Variants in NOL6 observed in about 807,000 individuals in gnomAD.
The protein encoded by NOL6 is nucleolar protein 6.
NOL6 carries 33 observed loss-of-function variants against 131.7 expected under a neutral mutation model. That is an observed-to-expected ratio of 0.25 (90% CI 0.19 to 0.33). NOL6 has a LOEUF of 0.33. NOL6 is among the 10% of genes least tolerant of loss of function. The probability of loss-of-function intolerance (pLI) is 1.00; values close to 1 mark genes in which losing one functional copy is unlikely to be tolerated. For missense variants in NOL6, 1,297 were observed against 1,494.5 expected (o/e 0.87, Z 2.18); for synonymous variants, 580 against 605.7 (o/e 0.96, Z 0.62).
rs755539636 is a variant in NOL6, at chr9:33,472,043, G to T, written c.339C>A (p.Asn113Lys). 1 of 1,612,942 alleles carries T rather than the reference G, an allele frequency of 6.2e-7. No homozygotes were observed. The highest frequency in any genetic ancestry group is 8.5e-7 in the Non-Finnish European group (1 of 1,180,016). The part of the protein sequence containing the change: ...DRIDAFLREV[N>K]QRVVRVPSVP... ...CTGAGGGCACCCTCACAACCCGCTG[G>T]TTGACCTCCCGTAGGAAGGCATCAA... is the stretch of plus-strand genomic sequence containing the variant. The change falls in exon 3 of 26, where the codon AAC becomes AAA. Residue 113 changes from asparagine (N) to lysine (K), a missense_variant. Asn to Lys is a moderately conservative substitution (Grantham distance 94, BLOSUM62 0). Transcript: ENST00000297990.
Position 33,466,197 on chromosome 9 carries a change from C to T in NOL6, c.2238G>A (p.Gln746=). 1 of 1,612,140 alleles carries T rather than the reference C, an allele frequency of 6.2e-7. No individual in the cohort carries two copies. Among genetic ancestry groups the T allele is most frequent in the Non-Finnish European group, 8.5e-7 (1 of 1,179,026 alleles). Residue 746 remains glutamine, a synonymous_variant, in exon 18 of 26, where the codon CAG becomes CAA. Transcript: ENST00000297990. ...TVVCHLEGSG[Q]WPQDAEAVQR... is the part of the protein sequence containing the mutation. The stretch of plus-strand genomic sequence containing the variant: ...GCACGGCCTCAGCGTCCTGTGGCCA[C>T]TGGCCACTGCCCTCCAGGTGACAAA...
chr9:33,466,327 G>A lies in NOL6; in HGVS notation c.2190C>T (p.Ala730=). 1 of 1,614,188 alleles carries A rather than the reference G, an allele frequency of 6.2e-7. No individual in the cohort carries two copies. The highest frequency in any genetic ancestry group is 8.5e-7 in the Non-Finnish European group (1 of 1,180,034). Residue 730 remains alanine, a synonymous_variant, in exon 17 of 26, where the codon GCC becomes GCT. Coordinates refer to ENST00000297990, the MANE Select transcript of NOL6 (RefSeq NM_022917.5). The part of the protein sequence containing the change: ...LLPRLDKPCP[A]YVEPMTVVCH... ...TCTTACCGGTCATGGGCTCCACGTA[G>A]GCCGGACAGGGCTTATCGAGCCGGG...
rs768058922 is a variant in NOL6, at chr9:33,466,341, T to C, written c.2176A>G (p.Lys726Glu). The C allele has an allele frequency of 3.1e-6, 5 of 1,614,052 alleles. No homozygotes were observed. In the Admixed American group the frequency reaches 8.3e-5, roughly 27 times the overall value. ...ERSSLLPRLD[K>E]PCPAYVEPMT... ...GGCTCCACGTAGGCCGGACAGGGCTTATCGAGCCGGGGCAGCAGTGAGGAC... is the reference window on the plus strand; with the variant it reads ...GGCTCCACGTAGGCCGGACAGGGCTCATCGAGCCGGGGCAGCAGTGAGGAC... The change falls in exon 17 of 26, where the codon AAG becomes GAG. Residue 726 changes from lysine (K) to glutamate (E), a missense_variant. By Grantham distance (56) the Lys-to-Glu change is moderately conservative. Coordinates refer to ENST00000297990, the MANE Select transcript of NOL6 (RefSeq NM_022917.5).
At position 33,464,910 on chromosome 9, in the gene NOL6, G is replaced by A. The variant is rs1827197660; in HGVS notation, c.2748C>T (p.Pro916=). ...LVSTFDWKNN[P]LFVNLNNELT... ...GCTCATTATTGAGGTTGACAAAGAG[G>A]GGGTTGTTCTTCCAATCAAACGTTG... The change falls in exon 21 of 26, where the codon CCC becomes CCT. Residue 916 remains proline, a synonymous_variant. Coordinates refer to ENST00000297990, the MANE Select transcript of NOL6 (RefSeq NM_022917.5). 1.9e-6 allele frequency: 3 copies of A among 1,613,866 alleles called. No homozygotes were observed. Among genetic ancestry groups the A allele is most frequent in the African/African-American group, 1.3e-5 (1 of 74,900 alleles).
In NOL6 at chr9:33,462,828, G is replaced by C; in HGVS notation, c.3292-15C>G. 1 of 1,613,806 alleles carries C rather than the reference G, an allele frequency of 6.2e-7. No homozygotes were observed. Among genetic ancestry groups the C allele is most frequent in the Non-Finnish European group, 8.5e-7 (1 of 1,179,864 alleles). The stretch of plus-strand genomic sequence containing the variant: ...GTGCTGGAGGCCTGGGGAAATCAGA[G>C]AAGAGATGTGGGTTGAGTGTCACAG... On this transcript the variant is annotated splice_polypyrimidine_tract_variant and intron_variant, in intron 25 of 25. Coordinates refer to ENST00000297990, the MANE Select transcript of NOL6 (RefSeq NM_022917.5).
chr9:33,465,379 GTCAGCGAGAC>G lies in NOL6; in HGVS notation c.2529-30_2529-21del, dbSNP rs540053651. The G allele has an allele frequency of 1.6e-4, 245 of 1,571,344 alleles. 2 individuals are homozygous for G. The South Asian group carries it at 1.7e-3, about 11-fold the overall frequency. On this transcript the variant is annotated intron_variant, in intron 19 of 25. Coordinates refer to ENST00000297990, the MANE Select transcript of NOL6 (RefSeq NM_022917.5). Reference sequence around the variant, plus strand: ...TGCAGTCTGCAGAGAGAAGGGGAGTGTCAGCGAGACTCAGGGCCCCACTGCCACTGTTCAT... The same window carrying G: ...TGCAGTCTGCAGAGAGAAGGGGAGTGTCAGGGCCCCACTGCCACTGTTCAT...
chr9:33,465,251 C>T lies in NOL6; in HGVS notation c.2637G>A (p.Val879=). ...EGFADESLDL[V]AAALFLHPEP... ...CAGGGTGCAGGAAAAGGGCAGCGGC[C>T]ACCAGATCCAGGCTCTCATCAGCGA... The change falls in exon 20 of 26, where the codon GTG becomes GTA. Residue 879 remains valine, a synonymous_variant. Transcript: ENST00000297990. 1 of 1,598,258 alleles carries T rather than the reference C, an allele frequency of 6.3e-7. No homozygotes were observed. The highest frequency in any genetic ancestry group is 8.5e-7 in the Non-Finnish European group (1 of 1,172,060).
intron 8 of NOL6, 27 bp downstream of exon 8, chr9:33,468,725 T>C (rs780124733): frequency 1.8e-5 from 29 of 1,613,988 alleles, no homozygotes; most frequent in Non-Finnish European, 2.5e-5. Context: ...GTGGAGCCCC[T>C]GGCCTTTCCC....
At chr9:33,469,906 A>T (rs1827360626) in intron 4 of NOL6, 106 bp downstream of exon 4, 2 of 1,248,760 alleles carry the variant, frequency 1.6e-6, no homozygotes, top group Admixed American at 5.2e-5. Context: ...CTTCTGATTT[A>T]GAATTCTGAC....
rs1827264128 is a variant in NOL6 at position 33,466,971 on chromosome 9, C to G, written c.1891G>C (p.Glu631Gln). The G allele has an allele frequency of 6.2e-7, 1 of 1,614,130 alleles. No individual in the cohort carries two copies. Among genetic ancestry groups the G allele is most frequent in the South Asian group, 1.1e-5 (1 of 91,064 alleles). The change falls in exon 15 of 26, where the codon GAA (glutamate) becomes CAA (glutamine). Residue 631 changes from glutamate (E) to glutamine (Q), a missense_variant. Glu to Gln is a conservative substitution (Grantham distance 29, BLOSUM62 2). Transcript: ENST00000297990. Reference protein sequence around the residue: ...HLLALHADIPETCVHYVGGPL... With the variant: ...HLLALHADIPQTCVHYVGGPL... ...CCCCCCACATAGTGGACACAGGTTT[C>G]TGGGATGTCAGCATGGCTGAAAAAG...
chr9:33,467,188 A>G lies in NOL6; in HGVS notation c.1800T>C (p.Ala600=), dbSNP rs946961291. 1 of 1,614,184 alleles carries G rather than the reference A, an allele frequency of 6.2e-7. No individual in the cohort carries two copies. The highest frequency in any genetic ancestry group is 8.5e-7 in the Non-Finnish European group (1 of 1,180,028). Residue 600 remains alanine (A), a synonymous_variant, in exon 14 of 26, where the codon GCT becomes GCC. Transcript: ENST00000297990. The surrounding 1 kb of genome is among the most constrained non-coding windows in gnomAD (Gnocchi z 4.4). ...ACATAGAGGCTGCCTCCCAGACCAC[A>G]GCTTCCCGAATGGCTCCGTCCTGGA... ...RRFQDGAIRE[A]VVWEAASMSQ...
chr9:33,466,347 G>A lies in NOL6; in HGVS notation c.2170C>T (p.Leu724Phe). 3.7e-6 allele frequency: 6 copies of A among 1,614,228 alleles called. No homozygotes were observed. Among genetic ancestry groups the A allele is most frequent in the Non-Finnish European group, 5.1e-6 (6 of 1,180,040 alleles). Reference sequence around the variant, plus strand: ...ACGTAGGCCGGACAGGGCTTATCGAGCCGGGGCAGCAGTGAGGACCGCTCC... The same window carrying A: ...ACGTAGGCCGGACAGGGCTTATCGAACCGGGGCAGCAGTGAGGACCGCTCC... Reference protein sequence around the residue: ...LRERSSLLPRLDKPCPAYVEP... With the variant: ...LRERSSLLPRFDKPCPAYVEP... The change falls in exon 17 of 26, where the codon CTC becomes TTC. Residue 724 changes from leucine to phenylalanine, a missense_variant. By Grantham distance (22) the Leu-to-Phe change is conservative (BLOSUM62 0). Transcript: ENST00000297990.
chr9:33,465,146 C>G, intron 20 of NOL6, 61 bp downstream of exon 20: 1 of 1,547,420 alleles, frequency 6.5e-7, no homozygotes, highest in Non-Finnish European at 8.7e-7. Flanking sequence ...GGGTGCAGCA[C>G]GAAGGATGAT....
intron 1 of NOL6, 65 bp downstream of exon 1, chr9:33,473,724 T>C (rs1827476667): frequency 1.9e-6 from 3 of 1,578,686 alleles, no homozygotes; most frequent in Non-Finnish European, 2.6e-6. Flanking sequence ...GATCACGCCA[T>C]CTCGGGCCCT....
Position 33,468,492 on chromosome 9 carries a change from C to T in NOL6, c.1206+16G>A. On this transcript the variant is annotated intron_variant, in intron 9 of 25. Coordinates refer to ENST00000297990, the MANE Select transcript of NOL6 (RefSeq NM_022917.5). The stretch of plus-strand genomic sequence containing the variant: ...TGCAGGCCTCCTGGCATAGACCTGG[C>T]CCTTCCCCAACTCACCAAAGAGGGA... 1 of 1,614,114 alleles carries T rather than the reference C, an allele frequency of 6.2e-7. No individual in the cohort carries two copies.
intron 20 of NOL6, 58 bp downstream of exon 20, chr9:33,465,149 A>T (rs1827203812): frequency 1.3e-6 from 2 of 1,551,944 alleles, no homozygotes; most frequent in Non-Finnish European, 8.7e-7. Context: ...TGCAGCACGA[A>T]GGATGATGGC....
chr9:33,467,043 T>G lies in NOL6; in HGVS notation c.1875-56A>C. On this transcript the variant is annotated intron_variant, in intron 14 of 25. Transcript: ENST00000297990. This position sits in a 1 kb window ranked among gnomAD's most constrained non-coding sequence, Gnocchi z 4.4. The stretch of plus-strand genomic sequence containing the variant: ...ATTTGGGGCTATGTTCTCGCTCAAC[T>G]GCCTGGGCCAGACCCCTGAAAAGGC... 1 of 1,613,428 alleles carries G rather than the reference T, an allele frequency of 6.2e-7. No homozygotes were observed. The highest frequency in any genetic ancestry group is 1.3e-5 in the African/African-American group (1 of 75,010).
In NOL6 at chr9:33,467,685, C is replaced by T; in HGVS notation, c.1602+6G>A. 4.5e-6 allele frequency: 7 copies of T among 1,557,314 alleles called. No individual in the cohort carries two copies. The highest frequency in any genetic ancestry group is 6.1e-6 in the Non-Finnish European group (7 of 1,152,346). On this transcript the variant is annotated splice_donor_region_variant and intron_variant, in intron 12 of 25. Coordinates refer to ENST00000297990, the MANE Select transcript of NOL6 (RefSeq NM_022917.5). The surrounding 1 kb of genome is among the most constrained non-coding windows in gnomAD (Gnocchi z 4.4). ...GACCCAAACTCCCCAACCTACACCA[C>T]CTCACCTCTGGGACTGGGGGTCGAG...
At chr9:33,468,722 C>T (rs1827320971) in intron 8 of NOL6, 30 bp downstream of exon 8, 3 of 1,613,736 alleles carry the variant, frequency 1.9e-6, no homozygotes, top group Non-Finnish European at 2.5e-6. Flanking sequence ...GGAGTGGAGC[C>T]CCTGGCCTTT....
Sources: gnomAD v4.1 joint callset for allele counts on GRCh38, gnomAD v4.1.1 for gene constraint, Gnocchi (gnomAD v3.1) non-coding constraint, MANE v1.5 for transcripts, NCBI Gene and HGNC (gene_info 2026-07-23, HGNC 2026-07-21) for gene names.